GRM8: variants seen among roughly 807,000 people sequenced by gnomAD.
GRM8 encodes glutamate metabotropic receptor 8.
GRM8 carries 47 observed loss-of-function variants against 87.2 expected under a neutral mutation model. The ratio of observed to expected loss-of-function variants is 0.54; its 90% CI spans 0.43 to 0.69. The LOEUF (loss-of-function observed/expected upper bound fraction) is 0.69, where lower values mean the gene tolerates loss of function less well. Ranked by LOEUF, GRM8 falls within the 30% of genes least tolerant of loss-of-function variation. GRM8 has a pLI of 0.00. For synonymous variants in GRM8, 396 were observed against 404.5 expected (o/e 0.98, Z 0.25); for missense variants, 1,019 against 1,139.2 (o/e 0.89, Z 1.52).
rs201799699 is a variant in GRM8 at position 126,517,630 on chromosome 7, A to G, written c.2430+15322T>C. ...CTATCACACATTGTGATCAGTTAAAATTGATTATATAAAATATTATGTGTG... is the reference window on the plus strand; with the variant it reads ...CTATCACACATTGTGATCAGTTAAAGTTGATTATATAAAATATTATGTGTG... On this transcript the variant is annotated intron_variant, in intron 9 of 10. Transcript: ENST00000339582. Among the ~76,000 whole-genome samples the G allele has an allele frequency of 3.3e-5, 5 of 152,056 alleles. No homozygotes were observed. In the East Asian group the frequency reaches 9.7e-4, roughly 29 times the overall value.
chr7:126,955,131 G>A lies in GRM8; in HGVS notation c.728-50448C>T, dbSNP rs952186929. Among the ~76,000 whole-genome samples the A allele has an allele frequency of 5.3e-5, 8 of 152,256 alleles. 1 individual carries two copies. The East Asian group carries it at 7.7e-4, about 15-fold the overall frequency. On this transcript the variant is annotated intron_variant, in intron 3 of 10. Transcript: ENST00000339582. ...TAAGCCCAAACAAAAATGAGGAAAA[G>A]GTGTATATGTAAATTAAGAACACAT... is the stretch of plus-strand genomic sequence containing the variant.
At chr7:127,062,068 C>A (rs1820644244) in intron 3 of GRM8, among the ~76,000 whole-genome samples, 1 of 151,130 alleles carries the variant, frequency 6.6e-6, no homozygotes, top group Non-Finnish European at 1.5e-5. Flanking sequence ...TGCTTGAACC[C>A]AGGAGGCAGA....
At chr7:126,449,337 T>C (rs917583473) in intron 9 of GRM8, among the ~76,000 whole-genome samples, 5 of 151,728 alleles carry the variant, frequency 3.3e-5, no homozygotes, top group African/African-American at 1.2e-4. Context: ...TTCTTATCTA[T>C]GTCACAGGGT....
rs548311704 is a variant in GRM8, at chr7:126,536,002, G to A, written c.1495-2115C>T. ...ACCTGTTCCTGAATTTCTGATTTAC[G>A]GAAATGTTGTGAGATGATGTTTATT... On this transcript the variant is annotated intron_variant, in intron 8 of 10. Coordinates refer to ENST00000339582, the MANE Select transcript of GRM8 (RefSeq NM_000845.3). Among the ~76,000 whole-genome samples the A allele has an allele frequency of 2.6e-5, 4 of 152,270 alleles. 1 individual carries two copies. Among genetic ancestry groups the A allele is most frequent in the African/African-American group, 4.8e-5 (2 of 41,562 alleles).
At chr7:126,613,354 G>A (rs1295155204) in intron 7 of GRM8, among the ~76,000 whole-genome samples, 1 of 152,110 alleles carries the variant, frequency 6.6e-6, no homozygotes, top group East Asian at 1.9e-4. Flanking sequence ...ATTTATCAAG[G>A]TTTAATAACA....
intron 9 of GRM8, among the ~76,000 whole-genome samples, chr7:126,499,322 G>A (rs1218190033): frequency 1.3e-5 from 2 of 151,648 alleles, no homozygotes; most frequent in African/African-American, 2.4e-5. Context: ...ATGTTGGCAA[G>A]GATGTGTAGA....
chr7:126,624,310 G>A (rs1001339680), intron 7 of GRM8, among the ~76,000 whole-genome samples: 2 of 152,094 alleles, frequency 1.3e-5, no homozygotes, highest in Non-Finnish European at 2.9e-5. Flanking sequence ...CTGTTTGCAA[G>A]CACATGAAGG....
intron 3 of GRM8, among the ~76,000 whole-genome samples, chr7:127,068,953 TGACATAAAGAGAGGA>T (rs1184447749): frequency 1.3e-5 from 2 of 152,094 alleles, no homozygotes; most frequent in Non-Finnish European, 2.9e-5. Flanking sequence ...ACTAAAACAC[TGACATAAAGAGAGGA>T]GGATCGCACC....
chr7:126,876,188 C>T (rs1799512198), intron 6 of GRM8, among the ~76,000 whole-genome samples: 1 of 152,180 alleles, frequency 6.6e-6, no homozygotes, highest in Non-Finnish European at 1.5e-5. Flanking sequence ...TTACTGTCTC[C>T]TCTCCCAGAA....
chr7:127,223,879 A>C (rs1402278622), intron 2 of GRM8, among the ~76,000 whole-genome samples: 1 of 151,210 alleles, frequency 6.6e-6, no homozygotes, highest in African/African-American at 2.4e-5. Flanking sequence ...AACCAAGTAG[A>C]AACTTTGGGA....
intron 7 of GRM8, among the ~76,000 whole-genome samples, chr7:126,755,537 C>A (rs1292363776): frequency 2.6e-5 from 4 of 151,936 alleles, no homozygotes; most frequent in Non-Finnish European, 5.9e-5. Flanking sequence ...TCTCAAATGT[C>A]TCTTTAGCAC....
chr7:126,471,577 T>TG (rs1805239092), intron 9 of GRM8, among the ~76,000 whole-genome samples: 1 of 151,946 alleles, frequency 6.6e-6, no homozygotes, highest in African/African-American at 2.4e-5. Flanking sequence ...AGTACCATGC[T>TG]TCTTTGGTTA....
chr7:126,580,530 C>G (rs1387370491), intron 8 of GRM8, among the ~76,000 whole-genome samples: 4 of 152,240 alleles, frequency 2.6e-5, no homozygotes, highest in African/African-American at 9.6e-5. Context: ...CTCCTGGTCT[C>G]CCATATCCAA....
chr7:126,755,730 C>G (rs1040249332), intron 7 of GRM8, among the ~76,000 whole-genome samples: 8 of 136,346 alleles, frequency 5.9e-5, no homozygotes, highest in African/African-American at 2.0e-4. Context: ...AGAGAATTAG[C>G]TGGGAGAGTA....
chr7:127,221,424 T>C (rs886396092), intron 2 of GRM8, among the ~76,000 whole-genome samples: 2 of 152,108 alleles, frequency 1.3e-5, no homozygotes, highest in African/African-American at 4.8e-5. Context: ...GAACCACTCT[T>C]GGGTGATATA....
intron 3 of GRM8, among the ~76,000 whole-genome samples, chr7:126,971,486 G>C (rs544959379): frequency 6.6e-6 from 1 of 152,230 alleles, no homozygotes; most frequent in Non-Finnish European, 1.5e-5. Flanking sequence ...ATATAAAGTA[G>C]ATAAGGAAAC....
At chr7:126,617,725 C>T (rs1434938109) in intron 7 of GRM8, among the ~76,000 whole-genome samples, 2 of 152,138 alleles carry the variant, frequency 1.3e-5, no homozygotes, top group Non-Finnish European at 2.9e-5. Context: ...CATTCTTATA[C>T]ACCAATAACA....
intron 8 of GRM8, among the ~76,000 whole-genome samples, chr7:126,608,759 CTT>C (rs1189944716): frequency 4.3e-4 from 59 of 138,152 alleles, no homozygotes; most frequent in African/African-American, 1.5e-3. Flanking sequence ...GTGATGTGCC[CTT>C]TTTTTTTTTT....
In GRM8 at chr7:126,537,515, G is replaced by A. The variant is rs201483877; in HGVS notation, c.1495-3628C>T. Among the ~76,000 whole-genome samples the A allele has an allele frequency of 4.6e-5, 7 of 152,172 alleles. No individual in the cohort carries two copies. In the East Asian group the frequency reaches 1.3e-3, roughly 29 times the overall value. ...ATTTGGACCGGACGTGGTGGCTCAAGCTTGTAATCCTAGCACTTTGGGAGG... is the reference window on the plus strand; with the variant it reads ...ATTTGGACCGGACGTGGTGGCTCAAACTTGTAATCCTAGCACTTTGGGAGG... On this transcript the variant is annotated intron_variant, in intron 8 of 10. Coordinates refer to ENST00000339582, the MANE Select transcript of GRM8 (RefSeq NM_000845.3).
Sources: allele counts gnomAD v4.1 joint callset (sites outside exome capture counted in the v4.1 genomes callset), GRCh38; gene constraint gnomAD v4.1.1; transcripts MANE v1.5; gene names NCBI Gene and HGNC (gene_info 2026-07-23, HGNC 2026-07-21).